NBR1: variants seen among roughly 807,000 people sequenced by gnomAD.
NBR1 encodes NBR1 autophagy cargo receptor.
Under a neutral mutation model 115.5 loss-of-function variants are expected in NBR1, and 59 were observed. The observed-to-expected ratio is 0.51, with a 90% CI of 0.41 to 0.63. The LOEUF is 0.63. Among genes scored for constraint, NBR1 ranks in the 30% least tolerant of loss-of-function variants. The pLI is 0.00. For missense variants in NBR1, 1,043 were observed against 1,150.5 expected (o/e 0.91, Z 1.35); for synonymous variants, 373 against 414.7 (o/e 0.90, Z 1.22).
rs1228978138 is a variant in NBR1, at chr17:43,200,413, C to T, written c.2273C>T (p.Pro758Leu). Reference protein sequence around the residue: ...DSMYSSALSQPGLERGAEGKP... With the variant: ...DSMYSSALSQLGLERGAEGKP... The stretch of plus-strand genomic sequence containing the variant: ...ATGTACAGCTCTGCGCTCTCACAGC[C>T]AGGCCTGGAGCGAGGTGCTGAAGGC... Residue 758 changes from proline (P) to leucine (L), a missense_variant, in exon 17 of 21, where the codon CCA (proline) becomes CTA (leucine). By Grantham distance (98) the Pro-to-Leu change is moderately conservative. Transcript: ENST00000590996. 8.7e-6 allele frequency: 14 copies of T among 1,607,374 alleles called. No homozygotes were observed. In the Admixed American group the frequency reaches 2.4e-4, roughly 27 times the overall value.
intron 5 of NBR1, among the ~76,000 whole-genome samples, chr17:43,185,363 C>T (rs1011430227): frequency 6.6e-6 from 1 of 152,164 alleles, no homozygotes. Context: ...CCCGGGAGTT[C>T]GAGACTAGCC....
chr17:43,188,938 A>G lies in NBR1; in HGVS notation c.403-104A>G, dbSNP rs933503352. ...ACTGTGACTTTTTAAAAAATTATAT[A>G]CTTGTATGATTTCACAAAAGAAACC... On this transcript the variant is annotated intron_variant, in intron 6 of 20. Coordinates refer to ENST00000590996, the MANE Select transcript of NBR1 (RefSeq NM_005899.5). 28 of 796,758 alleles carry G rather than the reference A, an allele frequency of 3.5e-5. No individual in the cohort carries two copies. In the African/African-American group the frequency reaches 4.0e-4, roughly 11 times the overall value. 49.4% of individuals were successfully genotyped at this position (796,758 alleles called of 1,614,324 possible). A position where few individuals can be genotyped will look rare whatever the true frequency, so the allele number is the denominator to read the frequency against.
At position 43,194,513 on chromosome 17, in the gene NBR1, C is replaced by G. The variant is rs1350906367; in HGVS notation, c.1674+14C>G. ...CTGACTGCCCAGGTGGAAGATTCAG[C>G]ACTTTGAAGGGCAAGGGACAGAGGG... On this transcript the variant is annotated intron_variant, in intron 13 of 20. Transcript: ENST00000590996. The G allele has an allele frequency of 6.2e-7, 1 of 1,613,322 alleles. No homozygotes were observed.
chr17:43,193,053 C>T (rs1244944043), intron 10 of NBR1, 41 bp from the exon 11 acceptor site: 1 of 1,601,868 alleles, frequency 6.2e-7, no homozygotes, highest in South Asian at 1.1e-5. Flanking sequence ...GAAGCCTTCA[C>T]ACCCAACAGC....
At chr17:43,177,872 G>GT (rs907283497) in intron 2 of NBR1, 64 bp from the exon 3 acceptor site, 92 of 1,287,672 alleles carry the variant, frequency 7.1e-5, no homozygotes, top group Middle Eastern at 6.0e-4. Context: ...GATTTTGTGG[G>GT]TTTTTTTTAC....
chr17:43,179,964 T>A (rs2056622448), intron 4 of NBR1, among the ~76,000 whole-genome samples: 1 of 152,100 alleles, frequency 6.6e-6, no homozygotes, highest in South Asian at 2.1e-4. Flanking sequence ...CCAGTAGTGA[T>A]GAAGGAGGGA....
chr17:43,200,146 T>C lies in NBR1; in HGVS notation c.2027-21T>C, dbSNP rs968424995. ...CCTGCTTTTAGCTTCCACCTTAAAA[T>C]TGGTTGCTTTCATCCTTTAGTGACA... On this transcript the variant is annotated intron_variant, in intron 16 of 20. Transcript: ENST00000590996. 4.6e-6 allele frequency: 7 copies of C among 1,525,244 alleles called. No individual in the cohort carries two copies. In the African/African-American group the frequency reaches 8.3e-5, roughly 18 times the overall value. The allele number at this position is 1,525,244 out of a possible 1,614,324, so 94.5% of individuals were successfully genotyped here. A position where few individuals can be genotyped will look rare whatever the true frequency, so the allele number is the denominator to read the frequency against.
At chr17:43,196,161 C>G in intron 14 of NBR1, 1 of 187,202 alleles carries the variant, frequency 5.3e-6, no homozygotes, top group Non-Finnish European at 1.1e-5. Flanking sequence ...TCGTGCAAGG[C>G]TTTTCCACTA....
At chr17:43,171,780 C>T (rs1474193176) in intron 1 of NBR1, among the ~76,000 whole-genome samples, 1 of 152,128 alleles carries the variant, frequency 6.6e-6, no homozygotes, top group Non-Finnish European at 1.5e-5. Context: ...ACTGTTTTTC[C>T]TTTTTGTCAA....
At chr17:43,207,034 C>T (rs2057331697) in intron 20 of NBR1, among the ~76,000 whole-genome samples, 1 of 152,176 alleles carries the variant, frequency 6.6e-6, no homozygotes, top group Non-Finnish European at 1.5e-5. Context: ...CACTGCACTC[C>T]AGCCTGGGCA....
Position 43,210,051 on chromosome 17 carries a change from G to T in NBR1, c.2878G>T (p.Asp960Tyr). The change falls in exon 21 of 21, where the codon GAC becomes TAC. Residue 960 changes from aspartate to tyrosine, a missense_variant. Asp to Tyr is a radical substitution (Grantham distance 160, BLOSUM62 -3). Transcript: ENST00000590996. The part of the protein sequence containing the change: ...VTELLQLNNN[D>Y]WYSQRY ...AGAACTTCTTCAGTTAAACAACAAC[G>T]ACTGGTACAGCCAACGCTATTGAGG... 6.2e-7 allele frequency: 1 copy of T among 1,612,718 alleles called. No homozygotes were observed. Among genetic ancestry groups the T allele is most frequent in the South Asian group, 1.1e-5 (1 of 90,782 alleles).
intron 5 of NBR1, among the ~76,000 whole-genome samples, chr17:43,181,673 AAAAC>A (rs200715604): frequency 0.031 from 4,740 of 151,022 alleles, 76 homozygotes; most frequent in African/African-American, 0.037. Flanking sequence ...CAAAACAAAA[AAAAC>A]AAACAAACCA....
intron 16 of NBR1, among the ~76,000 whole-genome samples, chr17:43,199,551 A>G (rs1412356551): frequency 6.6e-6 from 1 of 150,994 alleles, no homozygotes; most frequent in Non-Finnish European, 1.5e-5. Flanking sequence ...ATTTTTTTGT[A>G]TTTTTAGTAG....
chr17:43,190,508 C>A, intron 8 of NBR1, 101 bp from the exon 9 acceptor site: 1 of 1,298,248 alleles, frequency 7.7e-7, no homozygotes, highest in Non-Finnish European at 1.1e-6. Context: ...AGGTTACCTG[C>A]TAGTTGGTAC....
Position 43,194,478 on chromosome 17 carries a change from TG to T in NBR1, c.1654del (p.Val552TrpfsTer4). ...ASERELYIPS[V>X]DLLTAQDLLS... is the part of the protein sequence containing the mutation. ...GTGAGAGGGAGCTCTACATCCCATC[TG>T]TGGATCTTCTGACTGCCCAGGTGGA... On this transcript the variant is annotated frameshift_variant, in exon 13 of 21. Transcript: ENST00000590996. LOFTEE classifies it high-confidence loss of function. The T allele has an allele frequency of 6.2e-7, 1 of 1,614,000 alleles. No individual in the cohort carries two copies.
At position 43,191,371 on chromosome 17, in the gene NBR1, G is replaced by A; in HGVS notation, c.864-1G>A. ...TAAGACTTGCTTTTATTATCTCACA[G>A]GCTCCAGAAACAGGTTGATAAGAAC... On this transcript the variant is annotated splice_acceptor_variant, in intron 9 of 20. Coordinates refer to ENST00000590996, the MANE Select transcript of NBR1 (RefSeq NM_005899.5). LOFTEE classifies it high-confidence loss of function. The A allele has an allele frequency of 6.2e-7, 1 of 1,607,934 alleles. No individual in the cohort carries two copies. Among genetic ancestry groups the A allele is most frequent in the South Asian group, 1.1e-5 (1 of 90,252 alleles).
At chr17:43,189,197 C>T (rs1597986137) in intron 7 of NBR1, 78 bp downstream of exon 7, 2 of 1,049,282 alleles carry the variant, frequency 1.9e-6, no homozygotes, top group East Asian at 4.7e-5. Flanking sequence ...AAACTGAACC[C>T]AGGTGGCTGC....
intron 20 of NBR1, among the ~76,000 whole-genome samples, chr17:43,207,917 T>G (rs2057347208): frequency 6.6e-6 from 1 of 152,080 alleles, no homozygotes; most frequent in South Asian, 2.1e-4. Flanking sequence ...GTCACTTGCC[T>G]ACAGATTATA....
intron 13 of NBR1, chr17:43,194,749 A>G: frequency 4.8e-6 from 3 of 619,608 alleles, no homozygotes; most frequent in Non-Finnish European, 8.5e-6. Flanking sequence ...TGGCCTAGCT[A>G]ATTCTCCTTC....
Sources: allele counts gnomAD v4.1 joint callset (sites outside exome capture counted in the v4.1 genomes callset), GRCh38; gene constraint gnomAD v4.1.1; transcripts MANE v1.5; gene names NCBI Gene and HGNC (gene_info 2026-07-23, HGNC 2026-07-21).